Variants in DMD observed in about 807,000 individuals in gnomAD.
The protein encoded by DMD is mutant dystrophin.
DMD carries 63 observed loss-of-function variants against 330.1 expected under a neutral mutation model. That is an observed-to-expected ratio of 0.19 (90% confidence interval 0.16 to 0.24). The LOEUF (loss-of-function observed/expected upper bound fraction) is 0.24. Ranked by LOEUF, DMD falls within the 10% of genes least tolerant of loss-of-function variation. The pLI is 1.00. For synonymous variants in DMD, 1,223 were observed against 959.8 expected, an observed-to-expected ratio of 1.27 and a Z score of -5.07; for missense variants, 3,344 against 2,684.1, an observed-to-expected ratio of 1.25 and a Z score of -5.43.
intron 2 of DMD, among the ~76,000 whole-genome samples, chrX:33,004,191 A>T (rs774961819): frequency 8.9e-6 from 1 of 112,322 alleles, no homozygotes; most frequent in African/African-American, 3.2e-5. Flanking sequence ...GACAGGAAGA[A>T]AACCTTTTAA....
intron 34 of DMD, among the ~76,000 whole-genome samples, chrX:32,370,375 C>T (rs1269112897): frequency 1.8e-5 from 2 of 110,504 alleles, no homozygotes; most frequent in Non-Finnish European, 3.8e-5. Context: ...ACATATTTTA[C>T]TATTAGGCTA....
intron 41 of DMD, among the ~76,000 whole-genome samples, chrX:32,314,922 T>C (rs184820736): frequency 8.3e-4 from 92 of 111,499 alleles, no homozygotes; most frequent in African/African-American, 2.9e-3. Context: ...AAATAGGAAC[T>C]CTTTTACACT....
At position 31,189,413 on chromosome X, in the gene DMD, C is replaced by G. The variant is rs1020506038; in HGVS notation, c.9808-6509G>C. 2.7e-5 allele frequency among the ~76,000 whole-genome samples: 3 copies of G among 111,375 alleles called. No homozygotes were observed. In the Admixed American group the frequency reaches 2.9e-4, roughly 11 times the overall value. On this transcript the variant is annotated intron_variant, in intron 67 of 78. Transcript: ENST00000357033. ...AAGTCCCACAGTAGGCCCAGCTGAA[C>G]GCATATCCGCAGGTTTCACATCTCT...
At position 32,585,699 on chromosome X, in the gene DMD, C is replaced by CAAAAAAAAAAAAAAAAAAAAAAAAAAAA. The variant is rs61394183; in HGVS notation, c.1602+10030_1602+10057dup. On this transcript the variant is annotated intron_variant, in intron 13 of 78. Coordinates refer to ENST00000357033, the MANE Select transcript of DMD (RefSeq NM_004006.3). ...TGGGTGACAGAGCAGGACTCCGTCT[C>CAAAAAAAAAAAAAAAAAAAAAAAAAAAA]AAAAAAAAAAAAAAAAAAAAAAAAA... Among the ~76,000 whole-genome samples, 4 of 31,931 alleles carry CAAAAAAAAAAAAAAAAAAAAAAAAAAAA rather than the reference C, an allele frequency of 1.3e-4. 1 individual carries two copies. The highest frequency in any genetic ancestry group is 6.7e-4 in the Admixed American group (1 of 1,487). The allele number at this position is 31,931 out of a possible 115,157, so 27.7% of individuals were successfully genotyped here.
chrX:32,579,936 G>A (rs1031276165), intron 13 of DMD, among the ~76,000 whole-genome samples: 1 of 111,550 alleles, frequency 9.0e-6, no homozygotes, highest in African/African-American at 3.3e-5. Context: ...AGTATACAAA[G>A]TGCTAATGAA....
chrX:31,222,035 A>T (rs1477854367), intron 64 of DMD, among the ~76,000 whole-genome samples: 2 of 111,035 alleles, frequency 1.8e-5, no homozygotes, highest in Non-Finnish European at 3.8e-5. Context: ...TACTAAAATT[A>T]CAAAAACAAA....
intron 16 of DMD, among the ~76,000 whole-genome samples, chrX:32,555,331 C>T (rs1228872970): frequency 9.0e-6 from 1 of 111,001 alleles, no homozygotes; most frequent in Admixed American, 9.6e-5. Flanking sequence ...AATTATAAAC[C>T]CACATCCAAA....
At chrX:32,930,572 T>G (rs1335337726) in intron 2 of DMD, among the ~76,000 whole-genome samples, 1 of 110,471 alleles carries the variant, frequency 9.1e-6, no homozygotes, top group Non-Finnish European at 1.9e-5. Context: ...CTAGCCCTAT[T>G]TTTGGTATTT....
intron 2 of DMD, among the ~76,000 whole-genome samples, chrX:32,931,317 T>C (rs147517193): frequency 9.0e-6 from 1 of 111,391 alleles, no homozygotes; most frequent in Non-Finnish European, 1.9e-5. Flanking sequence ...ACAGAGAAAC[T>C]GTATTCTGTA....
At chrX:31,858,298 G>A (rs1486217844) in intron 48 of DMD, among the ~76,000 whole-genome samples, 1 of 111,514 alleles carries the variant, frequency 9.0e-6, no homozygotes, top group Non-Finnish European at 1.9e-5. Context: ...CTTCATTGGA[G>A]AGAATCATGT....
At chrX:32,736,270 G>A (rs2068469276) in intron 7 of DMD, among the ~76,000 whole-genome samples, 1 of 111,171 alleles carries the variant, frequency 9.0e-6, no homozygotes, top group South Asian at 3.8e-4. Flanking sequence ...GAAACAACAG[G>A]TGCTGGAGAG....
chrX:31,382,878 A>G (rs970936849), intron 60 of DMD, among the ~76,000 whole-genome samples: 2 of 110,903 alleles, frequency 1.8e-5, no homozygotes, highest in South Asian at 3.8e-4. Flanking sequence ...CTTCAACACT[A>G]TTTTGTTTTA....
intron 59 of DMD, among the ~76,000 whole-genome samples, chrX:31,454,490 C>G (rs768252945): frequency 4.5e-5 from 5 of 111,961 alleles, no homozygotes; most frequent in African/African-American, 1.6e-4. Context: ...TTGGTCTGAG[C>G]CACATGTGTT....
At chrX:32,716,213 T>A (rs764562019) in intron 7 of DMD, among the ~76,000 whole-genome samples, 1 of 111,160 alleles carries the variant, frequency 9.0e-6, no homozygotes, top group East Asian at 2.9e-4. Context: ...AAATCTCATG[T>A]TGAGTTGTGT....
chrX:33,010,305 T>C (rs2093673666), intron 2 of DMD, among the ~76,000 whole-genome samples: 1 of 108,092 alleles, frequency 9.3e-6, no homozygotes, highest in Admixed American at 1.0e-4. Context: ...TATGTATATA[T>C]GTACATATAT....
At chrX:33,329,696 G>T in intron 1 of DMD, among the ~76,000 whole-genome samples, 1 of 111,450 alleles carries the variant, frequency 9.0e-6, no homozygotes. Context: ...ATACATTTCA[G>T]GAACTGTCTG....
rs571190211 is a variant in DMD at position 32,804,025 on chromosome X, C to T, written c.649+5468G>A. ...GAATATCCTTTTTAATTTTCTGTCT[C>T]GTTGATCTGTCTAATATTGACAGTG... On this transcript the variant is annotated intron_variant, in intron 7 of 78. Coordinates refer to ENST00000357033, the MANE Select transcript of DMD (RefSeq NM_004006.3). Among the ~76,000 whole-genome samples the T allele has an allele frequency of 2.0e-4, 22 of 111,548 alleles. No individual in the cohort carries two copies. The East Asian group carries it at 4.8e-3, about 24-fold the overall frequency.
intron 44 of DMD, among the ~76,000 whole-genome samples, chrX:31,973,001 T>C (rs763200026): frequency 4.5e-5 from 5 of 112,152 alleles, no homozygotes; most frequent in Admixed American, 3.8e-4. Context: ...TTAGAAAATA[T>C]AGCCAATACT....
chrX:33,019,171 G>T (rs1241191813), intron 2 of DMD, among the ~76,000 whole-genome samples: 1 of 111,494 alleles, frequency 9.0e-6, no homozygotes, highest in African/African-American at 3.2e-5. Flanking sequence ...TACAAAATCA[G>T]ACCCATAGAG....
Sources: gnomAD v4.1 joint callset for allele counts (sites outside exome capture counted in the v4.1 genomes callset) on GRCh38, gnomAD v4.1.1 for gene constraint, MANE v1.5 for transcripts, NCBI Gene and HGNC (gene_info 2026-07-23, HGNC 2026-07-21) for gene names.